The following CNTNAP2 variants were observed in gnomAD, a reference collection of about 807,000 sequenced individuals.
CNTNAP2 encodes the protein contactin associated protein 2.
In CNTNAP2, 98 loss-of-function variants were observed where a neutral mutation model predicts 155.2. That is an observed-to-expected ratio of 0.63 (90% CI 0.54 to 0.75). The LOEUF (loss-of-function observed/expected upper bound fraction) is 0.75. Ranked by LOEUF, CNTNAP2 falls within the 30% of genes least tolerant of loss-of-function variation. CNTNAP2 has a pLI of 0.00. For missense variants in CNTNAP2, 1,727 were observed against 1,688.1 expected, an observed-to-expected ratio of 1.02 and a Z score of -0.40; for synonymous variants, 651 against 631.2, an observed-to-expected ratio of 1.03 and a Z score of -0.47.
chr7:147,629,424 TA>T (rs1795045216), intron 12 of CNTNAP2, among the ~76,000 whole-genome samples: 1 of 146,270 alleles, frequency 6.8e-6, no homozygotes, highest in Non-Finnish European at 1.5e-5. Context: ...ATAATAATAA[TA>T]ATAATAATAA....
intron 1 of CNTNAP2, among the ~76,000 whole-genome samples, chr7:146,745,909 G>C (rs1202021013): frequency 6.6e-6 from 1 of 152,134 alleles, no homozygotes; most frequent in Non-Finnish European, 1.5e-5. Flanking sequence ...CATGTATCTT[G>C]GAAGAGACTC....
At chr7:147,784,703 G>GT (rs1208506128) in intron 13 of CNTNAP2, among the ~76,000 whole-genome samples, 4 of 150,356 alleles carry the variant, frequency 2.7e-5, no homozygotes, top group Non-Finnish European at 5.9e-5. Context: ...TCGGATTTGT[G>GT]TTTTTTTATA....
At chr7:146,827,280 T>G (rs1803424038) in intron 2 of CNTNAP2, among the ~76,000 whole-genome samples, 1 of 152,054 alleles carries the variant, frequency 6.6e-6, no homozygotes, top group African/African-American at 2.4e-5. Context: ...TCCTAAGAGT[T>G]TACTTAGTAC....
intron 9 of CNTNAP2, among the ~76,000 whole-genome samples, chr7:147,332,246 T>C (rs918277187): frequency 9.2e-5 from 14 of 152,308 alleles, no homozygotes; most frequent in Non-Finnish European, 8.8e-5. Context: ...CGCTCTATTC[T>C]GGGTACCAAA....
chr7:147,542,477 T>G (rs1005519902), intron 11 of CNTNAP2, among the ~76,000 whole-genome samples: 2 of 152,216 alleles, frequency 1.3e-5, no homozygotes, highest in African/African-American at 4.8e-5. Context: ...GCATCTTTAT[T>G]TGCAAGCTGG....
At chr7:147,906,710 T>C (rs1182879173) in intron 14 of CNTNAP2, among the ~76,000 whole-genome samples, 1 of 152,178 alleles carries the variant, frequency 6.6e-6, no homozygotes, top group Non-Finnish European at 1.5e-5. Context: ...TCTACCTGCC[T>C]CGGCCTCCCA....
At chr7:147,501,106 G>A (rs555783948) in intron 11 of CNTNAP2, among the ~76,000 whole-genome samples, 27 of 151,946 alleles carry the variant, frequency 1.8e-4, no homozygotes, top group South Asian at 4.2e-4. Context: ...TGATTACACC[G>A]TATAAACAAA....
intron 17 of CNTNAP2, among the ~76,000 whole-genome samples, chr7:148,158,641 T>C (rs1805452187): frequency 6.6e-6 from 1 of 152,168 alleles, no homozygotes; most frequent in East Asian, 1.9e-4. Flanking sequence ...GGGTAGAAAC[T>C]TTACGGTGAA....
intron 15 of CNTNAP2, among the ~76,000 whole-genome samples, chr7:147,990,672 AT>A (rs35290706): frequency 0.067 from 10,129 of 151,968 alleles, 755 homozygotes; most frequent in African/African-American, 0.19. Context: ...GACTTAGGCG[AT>A]TTTTTTATCA....
At chr7:146,577,124 A>G (rs1798537293) in intron 1 of CNTNAP2, among the ~76,000 whole-genome samples, 1 of 152,098 alleles carries the variant, frequency 6.6e-6, no homozygotes, top group East Asian at 1.9e-4. Flanking sequence ...CATTATTTTT[A>G]TTTAATATTT....
intron 1 of CNTNAP2, among the ~76,000 whole-genome samples, chr7:146,170,168 A>T (rs1393943057): frequency 1.3e-5 from 2 of 151,944 alleles, no homozygotes; most frequent in Non-Finnish European, 2.9e-5. Flanking sequence ...CTGGGATTAC[A>T]GGTGTGCACC....
chr7:146,863,452 A>G (rs1795143984), intron 3 of CNTNAP2, among the ~76,000 whole-genome samples: 2 of 152,276 alleles, frequency 1.3e-5, no homozygotes, highest in South Asian at 4.1e-4. Flanking sequence ...CTTTAATTAT[A>G]ACATTAGTCA....
chr7:146,677,098 T>C (rs1276113843), intron 1 of CNTNAP2, among the ~76,000 whole-genome samples: 1 of 152,166 alleles, frequency 6.6e-6, no homozygotes, highest in Non-Finnish European at 1.5e-5. Flanking sequence ...TAGGGAGACA[T>C]GAGACATCAA....
At chr7:146,241,365 T>A (rs1799559896) in intron 1 of CNTNAP2, among the ~76,000 whole-genome samples, 1 of 152,320 alleles carries the variant, frequency 6.6e-6, no homozygotes, top group Middle Eastern at 3.4e-3. Flanking sequence ...TTGACAAGGA[T>A]TAAACTAGTC....
At chr7:148,137,948 A>G (rs1355392412) in intron 16 of CNTNAP2, among the ~76,000 whole-genome samples, 1 of 152,196 alleles carries the variant, frequency 6.6e-6, no homozygotes, top group Non-Finnish European at 1.5e-5. Flanking sequence ...GGCACTTTTT[A>G]ATTTTCATTA....
intron 15 of CNTNAP2, among the ~76,000 whole-genome samples, chr7:147,997,175 T>C (rs1466348474): frequency 6.6e-6 from 1 of 152,216 alleles, no homozygotes; most frequent in Non-Finnish European, 1.5e-5. Context: ...TTACGATATT[T>C]TGTTATAGGT....
intron 21 of CNTNAP2, among the ~76,000 whole-genome samples, chr7:148,324,462 T>C (rs1797854864): frequency 6.6e-6 from 1 of 152,142 alleles, no homozygotes; most frequent in Admixed American, 6.5e-5. Context: ...CACCAAATTG[T>C]TTGTGGCCCT....
At chr7:147,556,628 G>A (rs1799956677) in intron 11 of CNTNAP2, among the ~76,000 whole-genome samples, 1 of 152,144 alleles carries the variant, frequency 6.6e-6, no homozygotes, top group Non-Finnish European at 1.5e-5. Flanking sequence ...CTGAGATGAT[G>A]AGCCCAGGAA....
chr7:148,005,881 A>T (rs1233240895), intron 15 of CNTNAP2, among the ~76,000 whole-genome samples: 1 of 152,100 alleles, frequency 6.6e-6, no homozygotes, highest in Non-Finnish European at 1.5e-5. Flanking sequence ...ATTCTCTAAG[A>T]TGGTTTAATG....
Sources: gnomAD v4.1 joint callset for allele counts (sites outside exome capture counted in the v4.1 genomes callset) on GRCh38, gnomAD v4.1.1 for gene constraint, MANE v1.5 for transcripts, NCBI Gene and HGNC (gene_info 2026-07-23, HGNC 2026-07-21) for gene names.